Variants in CHD8 observed in about 807,000 individuals in gnomAD.
CHD8 encodes ATP-dependent chromatin remodeler CHD8.
CHD8 carries 31 observed loss-of-function variants against 279.2 expected under a neutral mutation model. That is an observed-to-expected ratio of 0.11 (90% CI 0.08 to 0.15). The LOEUF is 0.15. CHD8 is among the 10% of genes least tolerant of loss of function. The pLI is 1.00. For synonymous variants in CHD8, 1,081 were observed against 1,139.6 expected (o/e 0.95, Z 1.04); for missense variants, 2,146 against 3,230.5 (o/e 0.66, Z 8.14).
intron 7 of CHD8, 199 bp downstream of exon 7, chr14:21,415,375 T>C (rs565766985): frequency 2.4e-5 from 8 of 338,022 alleles, no homozygotes; most frequent in African/African-American, 1.1e-4. Context: ...TGGTGCACAA[T>C]GGTAGTCCCA....
chr14:21,391,314 GT>G (rs1186082700), intron 36 of CHD8, 148 bp downstream of exon 36: 5 of 779,610 alleles, frequency 6.4e-6, no homozygotes, highest in Non-Finnish European at 8.1e-6. Context: ...CACAACAATT[GT>G]GAGGTTGGAA....
chr14:21,454,965 GC>G (rs1890349973), intron 1 of CHD8: 1 of 152,194 alleles, frequency 6.6e-6, no homozygotes, highest in Non-Finnish European at 1.5e-5. Flanking sequence ...TATGTAATGT[GC>G]CCCACACCAG....
intron 27 of CHD8, chr14:21,397,060 C>T (rs1179555135): frequency 4.2e-5 from 8 of 191,330 alleles, no homozygotes; most frequent in Non-Finnish European, 6.7e-5. Flanking sequence ...TGTAATTCTT[C>T]CTCCTACCCA....
chr14:21,390,470 G>A (rs1008213430), intron 37 of CHD8, among the ~76,000 whole-genome samples: 1 of 152,082 alleles, frequency 6.6e-6, no homozygotes, highest in Non-Finnish European at 1.5e-5. Context: ...CCACAGGACT[G>A]CAAAAATACT....
rs946090893 is a variant in CHD8, at chr14:21,385,223, G to A, written c.*390C>T. ...AAAGGATTAACTTAAATTTATTAAT[G>A]CCAAGGGGAAAGAAGGTAACAGTTC... On this transcript the variant is annotated 3_prime_UTR_variant, in exon 38 of 38. Coordinates refer to ENST00000646647, the MANE Select transcript of CHD8 (RefSeq NM_001170629.2). 5.0e-6 allele frequency: 1 copy of A among 198,580 alleles called. No individual in the cohort carries two copies. Among genetic ancestry groups the A allele is most frequent in the Admixed American group, 5.3e-5 (1 of 18,736 alleles). 12.3% of individuals were successfully genotyped at this position (198,580 alleles called of 1,614,324 possible). A position where few individuals can be genotyped will look rare whatever the true frequency, so the allele number is the denominator to read the frequency against.
intron 5 of CHD8, chr14:21,419,912 A>T (rs939075807): frequency 6.7e-5 from 19 of 281,836 alleles, no homozygotes; most frequent in South Asian, 6.0e-4. Flanking sequence ...ATGGCCCAGA[A>T]GGTAAGTAGT....
At position 21,393,502 on chromosome 14, in the gene CHD8, C is replaced by T. The variant is rs1887639811; in HGVS notation, c.6293G>A (p.Ser2098Asn). ...TAGCTTCTCTTCCTTCTCATCCTCA[C>T]TCTCATCAGTGCTGGAGCTGGAGCT... ...SSSSSSSTDE[S>N]EDEKEEKLTD... Residue 2098 changes from serine (S) to asparagine (N), a missense_variant, in exon 32 of 38, where the codon AGT (serine) becomes AAT (asparagine). Ser to Asn is a conservative substitution (Grantham distance 46). This residue lies in a region of CHD8 where 513 missense variants were observed against 637.6 expected (regional missense o/e 0.80). Transcript: ENST00000646647. The T allele has an allele frequency of 6.3e-7, 1 of 1,582,912 alleles. No homozygotes were observed. The highest frequency in any genetic ancestry group is 1.7e-4 in the Middle Eastern group (1 of 6,018).
At chr14:21,411,064 T>C (rs762192307) in intron 10 of CHD8, among the ~76,000 whole-genome samples, 3 of 152,164 alleles carry the variant, frequency 2.0e-5, no homozygotes, top group Non-Finnish European at 4.4e-5. Context: ...TATTAGAGTA[T>C]GAAAACATTA....
At chr14:21,407,379 T>A (rs961305399) in intron 13 of CHD8, among the ~76,000 whole-genome samples, 11 of 151,898 alleles carry the variant, frequency 7.2e-5, no homozygotes, top group Admixed American at 6.6e-4. Context: ...CCATACAAGA[T>A]AATAAAAATG....
Position 21,431,844 on chromosome 14 carries a change from A to C in CHD8, c.-201T>G. ...AGCAAGATGGCTACGTCTTCAGAGG[A>C]AGATGGTGGAACTCCTGTTGTAGGA... On this transcript the variant is annotated 5_prime_UTR_variant, in exon 2 of 38. Transcript: ENST00000646647. 6.2e-7 allele frequency: 1 copy of C among 1,611,264 alleles called. No homozygotes were observed. The highest frequency in any genetic ancestry group is 8.5e-7 in the Non-Finnish European group (1 of 1,177,402).
At chr14:21,424,764 C>T (rs2139523529) in intron 5 of CHD8, among the ~76,000 whole-genome samples, 1 of 152,326 alleles carries the variant, frequency 6.6e-6, no homozygotes, top group South Asian at 2.1e-4. Context: ...AGCTACCGCG[C>T]CTGGCCCAGC....
intron 1 of CHD8, among the ~76,000 whole-genome samples, chr14:21,445,447 G>C (rs887844860): frequency 1.2e-4 from 18 of 151,890 alleles, no homozygotes; most frequent in Non-Finnish European, 2.5e-4. Flanking sequence ...TTGGGAGACC[G>C]AGGCGGGTGG....
At chr14:21,426,102 A>T in intron 5 of CHD8, 26 bp downstream of exon 5, 1 of 1,345,944 alleles carries the variant, frequency 7.4e-7, no homozygotes. Flanking sequence ...GGTTTTTTCT[A>T]CTAAATTCTT....
intron 28 of CHD8, 131 bp downstream of exon 28, chr14:21,395,686 C>T: frequency 2.9e-6 from 2 of 680,970 alleles, no homozygotes; most frequent in Non-Finnish European, 5.1e-6. Context: ...ATTTTCTATT[C>T]TCAAATGGTA....
rs746408005 is a variant in CHD8 at position 21,388,860 on chromosome 14, A to G, written c.7182+2087T>C. Among the ~76,000 whole-genome samples the G allele has an allele frequency of 3.7e-4, 57 of 152,168 alleles. 2 individuals are homozygous for G. The highest frequency in any genetic ancestry group is 1.2e-4 in the Non-Finnish European group (8 of 68,018). On this transcript the variant is annotated intron_variant, in intron 37 of 37. Coordinates refer to ENST00000646647, the MANE Select transcript of CHD8 (RefSeq NM_001170629.2). The stretch of plus-strand genomic sequence containing the variant: ...GCAGGGGTCCTGGAACCAATCCCTC[A>G]CAGATACCAAGGGATGACTGTATGT...
At chr14:21,446,116 C>G (rs1890113791) in intron 1 of CHD8, among the ~76,000 whole-genome samples, 1 of 152,128 alleles carries the variant, frequency 6.6e-6, no homozygotes, top group Non-Finnish European at 1.5e-5. Context: ...TGCTTGAACC[C>G]AGGCAGCAGA....
Position 21,403,485 on chromosome 14 carries a change from T to C in CHD8, c.3486A>G (p.Leu1162=), listed in dbSNP as rs778361127. The C allele has an allele frequency of 2.5e-6, 4 of 1,613,498 alleles. No individual in the cohort carries two copies. Among genetic ancestry groups the C allele is most frequent in the Non-Finnish European group, 3.4e-6 (4 of 1,179,506 alleles). ...VLIFSQMVRC[L]DILEDYLIQR... ...GGATTAAATAATCCTCTAGGATGTC[T>C]AGGCAGCGCACCATCTGAGAGAAGA... The change falls in exon 17 of 38, where the codon CTA becomes CTG. Residue 1162 remains leucine (L), a synonymous_variant. Coordinates refer to ENST00000646647, the MANE Select transcript of CHD8 (RefSeq NM_001170629.2). This position sits in a 1 kb window ranked among gnomAD's most constrained non-coding sequence, Gnocchi z 4.3.
rs371670547 is a variant in CHD8, at chr14:21,392,717, T to G, written c.6561A>C (p.Thr2187=). 1 of 1,613,908 alleles carries G rather than the reference T, an allele frequency of 6.2e-7. No individual in the cohort carries two copies. The highest frequency in any genetic ancestry group is 1.3e-5 in the African/African-American group (1 of 74,926). ...PSSRRSQEMV[T]GGILGPGNHL... ...GGTTGCCTGGCCCCAAAATTCCTCC[T>G]GTTACCATTTCCTGGCTCCTACGGC... Residue 2187 remains threonine, a synonymous_variant, in exon 34 of 38, where the codon ACA becomes ACC. Transcript: ENST00000646647.
rs373072733 is a variant in CHD8, at chr14:21,408,392, T to C, written c.2650A>G (p.Met884Val). Residue 884 changes from methionine (M) to valine (V), a missense_variant, in exon 13 of 38, where the codon ATG becomes GTG. Transcript: ENST00000646647. This position sits in a 1 kb window ranked among gnomAD's most constrained non-coding sequence, Gnocchi z 4.3. ...WEREFNTWTEMNTIVYHGSLA... is the reference protein window; with the variant it reads ...WEREFNTWTEVNTIVYHGSLA... ...CTGCCATGGTACACAATAGTGTTCA[T>C]TTCTGTCCATGTATTAAATTCTCGC... 42 of 1,613,902 alleles carry C rather than the reference T, an allele frequency of 2.6e-5. No individual in the cohort carries two copies. Among genetic ancestry groups the C allele is most frequent in the Non-Finnish European group, 3.4e-5 (40 of 1,179,896 alleles).
Sources: allele counts gnomAD v4.1 joint callset (sites outside exome capture counted in the v4.1 genomes callset), GRCh38; gene constraint gnomAD v4.1.1; regional missense constraint gnomAD v4.1.1; non-coding constraint Gnocchi (gnomAD v3.1); transcripts MANE v1.5; gene names NCBI Gene and HGNC (gene_info 2026-07-23, HGNC 2026-07-21).